Variants in RNF144A observed in about 807,000 individuals in gnomAD.
The protein encoded by RNF144A is E3 ubiquitin-protein ligase RNF144A.
A neutral mutation model predicts 38.7 loss-of-function variants in RNF144A; 11 were observed. The observed-to-expected ratio is 0.28, with a 90% CI of 0.18 to 0.47. The LOEUF (loss-of-function observed/expected upper bound fraction) is 0.47, where lower values mean the gene tolerates loss of function less well. RNF144A is among the 20% of genes least tolerant of loss of function. The probability of loss-of-function intolerance (pLI) is 0.99; values close to 1 mark genes in which losing one functional copy is unlikely to be tolerated. For synonymous variants in RNF144A, 149 were observed against 143.9 expected (o/e 1.04, Z -0.25); for missense variants, 316 against 377.2 (o/e 0.84, Z 1.34).
intron 3 of RNF144A, among the ~76,000 whole-genome samples, chr2:7,012,382 T>TG (rs1227606876): frequency 6.6e-6 from 1 of 152,162 alleles, no homozygotes. Flanking sequence ...TGCAGGGAGA[T>TG]GGGCCTTCTG....
chr2:7,028,655 C>T (rs548837443), intron 7 of RNF144A, among the ~76,000 whole-genome samples: 2 of 152,282 alleles, frequency 1.3e-5, no homozygotes, highest in South Asian at 2.1e-4. Flanking sequence ...GGAGAATGAG[C>T]TCTTCTCAGT....
At chr2:6,965,042 T>C (rs1173695346) in intron 2 of RNF144A, among the ~76,000 whole-genome samples, 1 of 152,068 alleles carries the variant, frequency 6.6e-6, no homozygotes, top group Non-Finnish European at 1.5e-5. Flanking sequence ...GGTATACAAG[T>C]AGGATTTCTG....
intron 6 of RNF144A, among the ~76,000 whole-genome samples, chr2:7,058,338 G>GAAAAAA: frequency 9.4e-6 from 1 of 105,992 alleles, no homozygotes. Context: ...TGGGGGAACT[G>GAAAAAA]AAAAAAAAAA....
chr2:7,006,185 C>T (rs983347824), intron 3 of RNF144A, among the ~76,000 whole-genome samples: 3 of 152,016 alleles, frequency 2.0e-5, no homozygotes, highest in East Asian at 1.9e-4. Context: ...CTGGAGTTGT[C>T]GGAGTTCCTG....
At chr2:6,966,215 G>A (rs562642847) in intron 2 of RNF144A, among the ~76,000 whole-genome samples, 40 of 152,342 alleles carry the variant, frequency 2.6e-4, no homozygotes, top group Middle Eastern at 3.4e-3. Flanking sequence ...TAGCTAGGAC[G>A]CAGAAACAGC....
intron 2 of RNF144A, among the ~76,000 whole-genome samples, chr2:6,983,071 G>A (rs117703627): frequency 2.2e-4 from 33 of 152,284 alleles, no homozygotes; most frequent in African/African-American, 6.0e-4. Flanking sequence ...TGAATAACTC[G>A]TGTGTTCTTC....
At chr2:7,000,396 T>G (rs964877954) in intron 3 of RNF144A, among the ~76,000 whole-genome samples, 1 of 152,210 alleles carries the variant, frequency 6.6e-6, no homozygotes, top group Admixed American at 6.5e-5. Flanking sequence ...TTACCCACCA[T>G]GAGGGCCAAT....
intron 1 of RNF144A, among the ~76,000 whole-genome samples, chr2:6,936,155 T>G (rs947264855): frequency 1.3e-5 from 2 of 152,198 alleles, no homozygotes; most frequent in South Asian, 4.1e-4. Flanking sequence ...CTCCGTACAT[T>G]CTCATGTCCT....
At chr2:7,014,147 G>T (rs1466907490) in intron 3 of RNF144A, among the ~76,000 whole-genome samples, 1 of 152,176 alleles carries the variant, frequency 6.6e-6, no homozygotes, top group East Asian at 1.9e-4. Flanking sequence ...AGCCTCCCTT[G>T]CTGCCTTTCA....
chr2:7,008,053 C>T (rs572083487), intron 3 of RNF144A, among the ~76,000 whole-genome samples: 1 of 152,338 alleles, frequency 6.6e-6, no homozygotes, highest in African/African-American at 2.4e-5. Flanking sequence ...CAGTGTCTTC[C>T]CCTTGTGGTT....
chr2:7,065,512 G>T (rs1039844875), intron 6 of RNF144A, among the ~76,000 whole-genome samples: 12 of 152,220 alleles, frequency 7.9e-5, no homozygotes, highest in African/African-American at 2.9e-4. Context: ...AACTGGCTGA[G>T]ATTGGATAGA....
At chr2:7,050,207 G>A (rs191792557) in intron 6 of RNF144A, among the ~76,000 whole-genome samples, 7 of 152,188 alleles carry the variant, frequency 4.6e-5, no homozygotes, top group Admixed American at 2.0e-4. Flanking sequence ...CCAGGGTGGC[G>A]CCAGGTGGAG....
rs962006749 is a variant in RNF144A at position 6,943,616 on chromosome 2, T to C, written c.-12+2469T>C. ...ATGGAGGGCTGCTGAAAACACTTCTTGAGTAGGAGAGAGAGATGGGTTTGT... is the reference window on the plus strand; with the variant it reads ...ATGGAGGGCTGCTGAAAACACTTCTCGAGTAGGAGAGAGAGATGGGTTTGT... On this transcript the variant is annotated intron_variant, in intron 2 of 8. Transcript: ENST00000320892. This position sits in a 1 kb window ranked among gnomAD's most constrained non-coding sequence, Gnocchi z 4.3. 3.9e-5 allele frequency among the ~76,000 whole-genome samples: 6 copies of C among 152,020 alleles called. No homozygotes were observed. The highest frequency in any genetic ancestry group is 1.4e-4 in the African/African-American group (6 of 41,380).
At chr2:7,017,956 G>A (rs1429408775) in intron 5 of RNF144A, among the ~76,000 whole-genome samples, 1 of 152,168 alleles carries the variant, frequency 6.6e-6, no homozygotes, top group African/African-American at 2.4e-5. Flanking sequence ...AAACTAATAA[G>A]ATTTAAATCG....
At chr2:7,009,240 CT>C (rs1670643090) in intron 3 of RNF144A, among the ~76,000 whole-genome samples, 1 of 152,224 alleles carries the variant, frequency 6.6e-6, no homozygotes, top group African/African-American at 2.4e-5. Flanking sequence ...TTGCCGGGGC[CT>C]TACTTTATAT....
intron 2 of RNF144A, among the ~76,000 whole-genome samples, chr2:6,961,248 A>G (rs1028082016): frequency 1.3e-4 from 20 of 152,282 alleles, no homozygotes; most frequent in African/African-American, 4.6e-4. Flanking sequence ...CTTCATAGGC[A>G]TTTAACATGT....
intron 6 of RNF144A, among the ~76,000 whole-genome samples, chr2:7,061,213 C>T (rs531750669): frequency 3.3e-5 from 5 of 152,204 alleles, no homozygotes; most frequent in Non-Finnish European, 5.9e-5. Context: ...AAAAGAGGAA[C>T]ATGGCACTCT....
intron 5 of RNF144A, among the ~76,000 whole-genome samples, chr2:7,015,830 G>A (rs928575147): frequency 2.2e-4 from 33 of 152,142 alleles, no homozygotes; most frequent in African/African-American, 7.5e-4. Flanking sequence ...ACTGATTCTC[G>A]GGTTCTTGAC....
intron 2 of RNF144A, among the ~76,000 whole-genome samples, chr2:6,979,124 TA>T (rs1177268460): frequency 2.6e-5 from 4 of 152,074 alleles, no homozygotes; most frequent in African/African-American, 9.7e-5. Flanking sequence ...GGGGCTGGGA[TA>T]GGGGCTCAGC....
Sources: allele counts gnomAD v4.1 joint callset (sites outside exome capture counted in the v4.1 genomes callset), GRCh38; gene constraint gnomAD v4.1.1; non-coding constraint Gnocchi (gnomAD v3.1); transcripts MANE v1.5; gene names NCBI Gene and HGNC (gene_info 2026-07-23, HGNC 2026-07-21).